The following TTC17 variants were observed in gnomAD, a reference collection of about 807,000 sequenced individuals.
TTC17 encodes the protein tetratricopeptide repeat protein 17.
In TTC17, 58 loss-of-function variants were observed where a neutral mutation model predicts 143.8. The ratio of observed to expected loss-of-function variants is 0.40; its 90% CI spans 0.33 to 0.50. The LOEUF is 0.50. Ranked by LOEUF, TTC17 falls within the 20% of genes least tolerant of loss-of-function variation. The probability of loss-of-function intolerance (pLI) is 0.49; values close to 1 mark genes in which losing one functional copy is unlikely to be tolerated. For synonymous variants in TTC17, 501 were observed against 497.8 expected, an observed-to-expected ratio of 1.01 and a Z score of -0.09; for missense variants, 1,273 against 1,392.5, an observed-to-expected ratio of 0.91 and a Z score of 1.37.
intron 1 of TTC17, 73 bp downstream of exon 1, chr11:43,359,186 C>G: frequency 1.4e-6 from 2 of 1,446,900 alleles, no homozygotes; most frequent in Non-Finnish European, 1.8e-6. Flanking sequence ...TGGCCCCTGG[C>G]TGTTGGGCTC....
chr11:43,476,846 C>T (rs1010462877), intron 21 of TTC17, among the ~76,000 whole-genome samples: 2 of 151,560 alleles, frequency 1.3e-5, no homozygotes, highest in African/African-American at 2.4e-5. Context: ...ACATTAGACT[C>T]CTTGCTACTT....
chr11:43,370,835 G>A (rs1405711992), intron 1 of TTC17, among the ~76,000 whole-genome samples: 1 of 151,080 alleles, frequency 6.6e-6, no homozygotes, highest in South Asian at 2.1e-4. Context: ...TTTTAAGATG[G>A]AGTCTCTGTT....
chr11:43,474,122 A>G (rs2134840526), intron 21 of TTC17, among the ~76,000 whole-genome samples: 1 of 152,316 alleles, frequency 6.6e-6, no homozygotes, highest in Non-Finnish European at 1.5e-5. Context: ...TAGCGGAGTG[A>G]TTAAATGAAA....
chr11:43,415,754 AGTGCTTGCCTT>A (rs1946764351), intron 16 of TTC17, among the ~76,000 whole-genome samples: 1 of 152,182 alleles, frequency 6.6e-6, no homozygotes, highest in African/African-American at 2.4e-5. Flanking sequence ...GACGGTAAGT[AGTGCTTGCCTT>A]TTAAATATCA....
chr11:43,451,372 C>T lies in TTC17; in HGVS notation c.3030+107C>T, dbSNP rs1046880655. 2.7e-5 allele frequency: 25 copies of T among 938,200 alleles called. 1 individual carries two copies. The African/African-American group carries it at 3.9e-4, about 15-fold the overall frequency. 58.1% of individuals were successfully genotyped at this position (938,200 alleles called of 1,614,324 possible). A position where few individuals can be genotyped will look rare whatever the true frequency, so the allele number is the denominator to read the frequency against. On this transcript the variant is annotated intron_variant, in intron 21 of 23. Transcript: ENST00000039989. ...AACCTCTTCTGTTAGTTACTTAGCA[C>T]TTGGTGGCTAAAAGGATAATGTGAA...
intron 3 of TTC17, 92 bp downstream of exon 3, chr11:43,389,913 C>A: frequency 8.4e-7 from 1 of 1,183,646 alleles, no homozygotes; most frequent in Non-Finnish European, 1.2e-6. Context: ...TAAGGGTAAG[C>A]TTCAATCACA....
At chr11:43,461,097 G>GA (rs1947855908) in intron 21 of TTC17, among the ~76,000 whole-genome samples, 1 of 152,142 alleles carries the variant, frequency 6.6e-6, no homozygotes, top group Non-Finnish European at 1.5e-5. Flanking sequence ...ATAAAAACTA[G>GA]AAGCCGGCCG....
intron 16 of TTC17, chr11:43,436,278 AC>A: frequency 7.2e-7 from 1 of 1,390,652 alleles, no homozygotes; most frequent in Non-Finnish European, 9.3e-7. Context: ...ACAGAGGAGG[AC>A]CCTGTATTCT....
chr11:43,435,393 C>T (rs1348168910), intron 16 of TTC17: 2 of 152,184 alleles, frequency 1.3e-5, no homozygotes, highest in Non-Finnish European at 2.9e-5. Context: ...AGCCAGATTG[C>T]TGCCATGTTA....
At chr11:43,459,613 T>C (rs545989302) in intron 21 of TTC17, among the ~76,000 whole-genome samples, 16 of 152,340 alleles carry the variant, frequency 1.1e-4, no homozygotes, top group African/African-American at 3.8e-4. Context: ...TTTAGAGTCA[T>C]ATATGTCTTT....
intron 21 of TTC17, among the ~76,000 whole-genome samples, chr11:43,481,681 A>T (rs944341522): frequency 6.6e-6 from 1 of 152,094 alleles, no homozygotes; most frequent in East Asian, 1.9e-4. Context: ...TTATTTTCTT[A>T]TCATCCTTTT....
chr11:43,467,582 G>A (rs1180770703), intron 21 of TTC17, among the ~76,000 whole-genome samples: 1 of 152,164 alleles, frequency 6.6e-6, no homozygotes, highest in Non-Finnish European at 1.5e-5. Context: ...AAGTTCTGAA[G>A]GTTGGTTACA....
At chr11:43,397,625 G>A (rs1209274526) in intron 7 of TTC17, 134 bp downstream of exon 7, 18 of 1,058,366 alleles carry the variant, frequency 1.7e-5, no homozygotes, top group Non-Finnish European at 2.0e-5. Flanking sequence ...AAATTAGGAG[G>A]AAGAAAAATC....
rs1857598655 is a variant in TTC17, at chr11:43,396,528, C to G, written c.664-181C>G. On this transcript the variant is annotated intron_variant, in intron 5 of 23. Coordinates refer to ENST00000039989, the MANE Select transcript of TTC17 (RefSeq NM_018259.6). The stretch of plus-strand genomic sequence containing the variant: ...ACGTGCTCAGCTGATGATTAGAATG[C>G]TCTTCTGACAGGTATAGTTTCTTTG... The G allele has an allele frequency of 3.1e-5, 12 of 386,016 alleles. No individual in the cohort carries two copies. The East Asian group carries it at 4.5e-4, about 14-fold the overall frequency. The allele number at this position is 386,016 out of a possible 1,614,324, so 23.9% of individuals were successfully genotyped here.
intron 8 of TTC17, among the ~76,000 whole-genome samples, chr11:43,398,339 G>C (rs189214806): frequency 2.2e-4 from 33 of 152,306 alleles, no homozygotes; most frequent in African/African-American, 7.9e-4. Flanking sequence ...GAGAATATTT[G>C]TAGTAAAAGC....
At position 43,421,584 on chromosome 11, in the gene TTC17, T is replaced by C. The variant is rs117438472; in HGVS notation, c.2251+6808T>C. ...GATCAGTGGTGGCATTAGATTCTCA[T>C]AGGAGCATGAACCTATTGTAAACTA... On this transcript the variant is annotated intron_variant, in intron 16 of 23. Transcript: ENST00000039989. Among the ~76,000 whole-genome samples the C allele has an allele frequency of 1.4e-4, 21 of 152,234 alleles. No individual in the cohort carries two copies. The East Asian group carries it at 2.1e-3, about 15-fold the overall frequency.
intron 21 of TTC17, among the ~76,000 whole-genome samples, chr11:43,454,527 A>G (rs1487480382): frequency 6.6e-6 from 1 of 152,174 alleles, no homozygotes; most frequent in Non-Finnish European, 1.5e-5. Flanking sequence ...CTATTAAAAG[A>G]ACAATATTTT....
Position 43,358,964 on chromosome 11 carries a change from G to A in TTC17, c.10G>A (p.Ala4Thr), listed in dbSNP as rs781049760. MAAAVGVRGRYELP... is the reference protein window; with the variant it reads MAATVGVRGRYELP... ...CGGCCGGGGGGGCAAGATGGCGGCG[G>A]CAGTAGGGGTTCGTGGCCGGTACGA... is the stretch of plus-strand genomic sequence containing the variant. The change falls in exon 1 of 24, where the codon GCA becomes ACA. Residue 4 changes from alanine (A) to threonine (T), a missense_variant. By Grantham distance (58) the Ala-to-Thr change is moderately conservative. Coordinates refer to ENST00000039989, the MANE Select transcript of TTC17 (RefSeq NM_018259.6). 9 of 1,575,860 alleles carry A rather than the reference G, an allele frequency of 5.7e-6. No individual in the cohort carries two copies. The highest frequency in any genetic ancestry group is 5.6e-5 in the African/African-American group (4 of 71,770).
chr11:43,484,190 C>T (rs1343380686), intron 21 of TTC17, among the ~76,000 whole-genome samples: 1 of 152,044 alleles, frequency 6.6e-6, no homozygotes, highest in African/African-American at 2.4e-5. Context: ...GAAGAAAAAA[C>T]AAAATGTCAT....
Sources: allele counts gnomAD v4.1 joint callset (sites outside exome capture counted in the v4.1 genomes callset), GRCh38; gene constraint gnomAD v4.1.1; transcripts MANE v1.5; gene names NCBI Gene and HGNC (gene_info 2026-07-23, HGNC 2026-07-21).